HSCB: variants seen among roughly 807,000 people sequenced by gnomAD.
HSCB encodes the protein iron-sulfur cluster co-chaperone protein HscB.
Under a neutral mutation model 31.3 loss-of-function variants are expected in HSCB, and 23 were observed. That is an observed-to-expected ratio of 0.74 (90% CI 0.53 to 1.04). The LOEUF is 1.04. Among genes scored for constraint, HSCB ranks in the 50% least tolerant of loss-of-function variants. The pLI is 0.00. For missense variants in HSCB, 297 were observed against 288.1 expected, an observed-to-expected ratio of 1.03 and a Z score of -0.22; for synonymous variants, 110 against 104.5, an observed-to-expected ratio of 1.05 and a Z score of -0.32.
At chr22:28,752,797 T>C (rs561363698) in intron 5 of HSCB, among the ~76,000 whole-genome samples, 4 of 151,742 alleles carry the variant, frequency 2.6e-5, no homozygotes, top group Non-Finnish European at 5.9e-5. Flanking sequence ...AAAGAATTGA[T>C]TGGCTAGGCG....
At chr22:28,753,972 G>A (rs1468958886) in intron 5 of HSCB, among the ~76,000 whole-genome samples, 4 of 151,120 alleles carry the variant, frequency 2.6e-5, no homozygotes, top group Admixed American at 6.6e-5. Context: ...GTGAAACCCC[G>A]TCTCTGAAAA....
chr22:28,750,813 C>T (rs1393230361), intron 4 of HSCB, among the ~76,000 whole-genome samples: 3 of 152,122 alleles, frequency 2.0e-5, no homozygotes, highest in South Asian at 2.1e-4. Context: ...AGAGGCTATA[C>T]AGTTTGCAAG....
intron 5 of HSCB, among the ~76,000 whole-genome samples, chr22:28,752,057 C>G (rs2030293075): frequency 6.6e-6 from 1 of 151,934 alleles, no homozygotes; most frequent in Admixed American, 6.6e-5. Context: ...CGCCACTGCA[C>G]TCCAGCCTGG....
rs1296009404 is a variant in HSCB at position 28,742,053 on chromosome 22, C to G, written c.-43C>G. ...TTAGTCTGGTTAGACGCTCTCTTTG[C>G]TTTTCCCCACGAGTGACCACGGCTA... On this transcript the variant is annotated 5_prime_UTR_variant, in exon 1 of 6. Transcript: ENST00000216027. 6.4e-7 allele frequency: 1 copy of G among 1,567,154 alleles called. No individual in the cohort carries two copies. The highest frequency in any genetic ancestry group is 8.6e-7 in the Non-Finnish European group (1 of 1,158,320).
At chr22:28,746,224 T>C (rs548945090) in intron 4 of HSCB, among the ~76,000 whole-genome samples, 1 of 150,918 alleles carries the variant, frequency 6.6e-6, no homozygotes, top group African/African-American at 2.4e-5. Context: ...CTACTGAAAA[T>C]ACAAAAATTA....
intron 3 of HSCB, 87 bp from the exon 4 acceptor site, chr22:28,745,777 G>C: frequency 2.7e-6 from 3 of 1,100,216 alleles, no homozygotes; most frequent in Non-Finnish European, 2.6e-6. Flanking sequence ...CTCTATTAGT[G>C]GTATTATTTC....
intron 4 of HSCB, among the ~76,000 whole-genome samples, chr22:28,749,110 C>T (rs969222502): frequency 6.6e-6 from 1 of 150,842 alleles, no homozygotes; most frequent in African/African-American, 2.4e-5. Context: ...CATTGCACTC[C>T]AGTTTCAGCA....
Position 28,745,165 on chromosome 22 carries a change from T to A in HSCB, c.423+461T>A, listed in dbSNP as rs2146208632. 2 of 153,768 alleles carry A rather than the reference T, an allele frequency of 1.3e-5. 1 individual carries two copies. Among genetic ancestry groups the A allele is most frequent in the Middle Eastern group, 6.7e-3 (2 of 300 alleles). The allele number at this position is 153,768 out of a possible 1,614,324, so 9.5% of individuals were successfully genotyped here. A position where few individuals can be genotyped will look rare whatever the true frequency, so the allele number is the denominator to read the frequency against. On this transcript the variant is annotated intron_variant, in intron 3 of 5. Transcript: ENST00000216027. ...TCAACTGCATTTTTTAAATTGTGAT[T>A]TTCTAGCTTTTTTCTGTGAATTTCA...
chr22:28,750,509 C>T (rs913195913), intron 4 of HSCB, among the ~76,000 whole-genome samples: 9 of 152,118 alleles, frequency 5.9e-5, no homozygotes, highest in Non-Finnish European at 1.0e-4. Flanking sequence ...TTTCAAACAC[C>T]GGACTGGGAG....
At chr22:28,745,792 T>C (rs1221452433) in intron 3 of HSCB, 72 bp from the exon 4 acceptor site, 2 of 1,295,630 alleles carry the variant, frequency 1.5e-6, no homozygotes, top group Non-Finnish European at 2.1e-6. Context: ...TATTTCCTAA[T>C]GGATGAGTAG....
intron 5 of HSCB, among the ~76,000 whole-genome samples, chr22:28,754,088 G>A (rs976568908): frequency 2.0e-5 from 3 of 151,944 alleles, no homozygotes; most frequent in Admixed American, 1.3e-4. Context: ...AGCCGAGATC[G>A]TGTCACTGCA....
chr22:28,743,184 G>T (rs888274629), intron 1 of HSCB, among the ~76,000 whole-genome samples: 8 of 152,144 alleles, frequency 5.3e-5, no homozygotes, highest in African/African-American at 1.9e-4. Flanking sequence ...AAGGGCATGG[G>T]CAGAAGGAAA....
At chr22:28,746,142 A>T (rs551862885) in intron 4 of HSCB, 134 bp downstream of exon 4, 1 of 767,384 alleles carries the variant, frequency 1.3e-6, no homozygotes, top group South Asian at 2.1e-5. Flanking sequence ...GCACTTTGGG[A>T]GGCCAAGGCA....
intron 3 of HSCB, among the ~76,000 whole-genome samples, 178 bp downstream of exon 3, chr22:28,744,882 A>G (rs1036912619): frequency 6.6e-6 from 1 of 151,932 alleles, no homozygotes; most frequent in Admixed American, 6.6e-5. Context: ...CAGGAGTTCA[A>G]GACCATCCTG....
At chr22:28,744,031 G>A in intron 2 of HSCB, 53 bp downstream of exon 2, 1 of 1,305,516 alleles carries the variant, frequency 7.7e-7, no homozygotes, top group Non-Finnish European at 1.1e-6. Flanking sequence ...ACACTGGGTG[G>A]CAGTAGCCTT....
At chr22:28,748,582 G>A (rs191244798) in intron 4 of HSCB, among the ~76,000 whole-genome samples, 332 of 151,804 alleles carry the variant, frequency 2.2e-3, no homozygotes, top group African/African-American at 5.6e-3. Flanking sequence ...GCATGATCTC[G>A]GCTCACTGCA....
intron 5 of HSCB, among the ~76,000 whole-genome samples, chr22:28,756,729 A>C (rs918279335): frequency 9.2e-5 from 14 of 152,038 alleles, no homozygotes; most frequent in Non-Finnish European, 1.9e-4. Flanking sequence ...CCTGGGCTCA[A>C]GCCATCCTCC....
chr22:28,748,876 A>G (rs2030013093), intron 4 of HSCB, among the ~76,000 whole-genome samples: 2 of 152,214 alleles, frequency 1.3e-5, no homozygotes, highest in South Asian at 4.1e-4. Context: ...GTGATGGCTT[A>G]CGCCTGTAAT....
At chr22:28,751,522 C>T (rs1141915) in intron 5 of HSCB, among the ~76,000 whole-genome samples, 1 of 152,046 alleles carries the variant, frequency 6.6e-6, no homozygotes, top group Non-Finnish European at 1.5e-5. Context: ...CTAAGGCGGG[C>T]GGATCACGAA....
Sources: gnomAD v4.1 joint callset for allele counts (sites outside exome capture counted in the v4.1 genomes callset) on GRCh38, gnomAD v4.1.1 for gene constraint, MANE v1.5 for transcripts, NCBI Gene and HGNC (gene_info 2026-07-23, HGNC 2026-07-21) for gene names.